The following LPAR1 variants were observed in gnomAD, a reference collection of about 807,000 sequenced individuals.
The protein encoded by LPAR1 is LPA receptor 1.
Under a neutral mutation model 23.8 loss-of-function variants are expected in LPAR1, and 5 were observed. That is an observed-to-expected ratio of 0.21 (90% CI 0.11 to 0.44). The LOEUF (loss-of-function observed/expected upper bound fraction) is 0.44. Ranked by LOEUF, LPAR1 falls within the 20% of genes least tolerant of loss-of-function variation. The pLI, the probability that LPAR1 is intolerant of heterozygous loss-of-function variation, is 0.99. For synonymous variants in LPAR1, 160 were observed against 164.7 expected (o/e 0.97, Z 0.22); for missense variants, 311 against 482.8 (o/e 0.64, Z 3.33).
chr9:111,024,414 T>C (rs2097641055), intron 2 of LPAR1, among the ~76,000 whole-genome samples: 1 of 147,746 alleles, frequency 6.8e-6, no homozygotes, highest in South Asian at 2.1e-4. Flanking sequence ...CATATTTATA[T>C]ATATATTTAT....
At chr9:110,922,942 A>G (rs1417984566) in intron 5 of LPAR1, among the ~76,000 whole-genome samples, 1 of 151,564 alleles carries the variant, frequency 6.6e-6, no homozygotes, top group East Asian at 1.9e-4. Context: ...TGCACCCATC[A>G]ACCCATCATC....
intron 5 of LPAR1, among the ~76,000 whole-genome samples, chr9:110,897,530 T>G (rs1005816815): frequency 1.3e-5 from 2 of 152,362 alleles, no homozygotes; most frequent in African/African-American, 4.8e-5. Flanking sequence ...AAAGTTCTTA[T>G]GCATCAGAAC....
At chr9:110,980,625 T>C (rs28702791) in intron 2 of LPAR1, among the ~76,000 whole-genome samples, 2,516 of 151,500 alleles carry the variant, frequency 0.017, 57 homozygotes, top group African/African-American at 0.057. Context: ...CCAGGAAGCC[T>C]AGGGGACAGG....
intron 5 of LPAR1, among the ~76,000 whole-genome samples, chr9:110,921,862 C>T (rs777091332): frequency 2.0e-5 from 3 of 152,168 alleles, no homozygotes; most frequent in Non-Finnish European, 4.4e-5. Flanking sequence ...TTATGATGGA[C>T]GTAATGCTCC....
chr9:111,034,251 C>G (rs746936211), intron 2 of LPAR1, among the ~76,000 whole-genome samples: 6 of 152,206 alleles, frequency 3.9e-5, no homozygotes, highest in Non-Finnish European at 8.8e-5. Context: ...CGGTTTCAAA[C>G]TAATAATAAT....
intron 2 of LPAR1, among the ~76,000 whole-genome samples, chr9:110,985,233 C>T (rs1400057549): frequency 6.6e-6 from 1 of 152,114 alleles, no homozygotes; most frequent in African/African-American, 2.4e-5. Context: ...CTACAGGCTG[C>T]TTTCCTCTCT....
At chr9:110,943,942 G>A (rs953747060) in intron 4 of LPAR1, among the ~76,000 whole-genome samples, 8 of 151,160 alleles carry the variant, frequency 5.3e-5, no homozygotes, top group African/African-American at 1.2e-4. Flanking sequence ...ATGAGTGCAC[G>A]TTAGATAAAA....
chr9:110,957,627 A>C (rs2095808351), intron 4 of LPAR1, among the ~76,000 whole-genome samples: 1 of 152,180 alleles, frequency 6.6e-6, no homozygotes, highest in Non-Finnish European at 1.5e-5. Flanking sequence ...CACAGCTAAC[A>C]TCATATTGAA....
intron 2 of LPAR1, among the ~76,000 whole-genome samples, chr9:111,024,094 A>G (rs530478063): frequency 6.6e-6 from 1 of 152,298 alleles, no homozygotes; most frequent in South Asian, 2.1e-4. Context: ...GGTAAGAAGC[A>G]TGTTCTTGGA....
At chr9:110,946,270 G>A (rs1445606804) in intron 4 of LPAR1, among the ~76,000 whole-genome samples, 1 of 152,036 alleles carries the variant, frequency 6.6e-6, no homozygotes, top group Non-Finnish European at 1.5e-5. Flanking sequence ...GAAGGAACCT[G>A]AAAAACACAG....
At chr9:110,996,070 G>T (rs1386889094) in intron 2 of LPAR1, among the ~76,000 whole-genome samples, 1 of 152,242 alleles carries the variant, frequency 6.6e-6, no homozygotes, top group East Asian at 1.9e-4. Context: ...CCTAAAAACA[G>T]CTGTGAGGCC....
intron 5 of LPAR1, among the ~76,000 whole-genome samples, chr9:110,918,473 C>A (rs117444343): frequency 6.6e-6 from 1 of 152,320 alleles, no homozygotes; most frequent in East Asian, 1.9e-4. Flanking sequence ...AACAGAGTAG[C>A]TGGCTTATGT....
Position 110,933,718 on chromosome 9 carries a change from C to A in LPAR1, c.793+7703G>T, listed in dbSNP as rs143516654. On this transcript the variant is annotated intron_variant, in intron 5 of 5. Transcript: ENST00000683809. ...ACGACAAGGAAAAGTAAATGACTTT[C>A]CAACATTCATATTTGGATGAACAAG... Among the ~76,000 whole-genome samples, 1,108 of 152,258 alleles carry A rather than the reference C, an allele frequency of 7.3e-3. 12 individuals carry two copies. Among genetic ancestry groups the A allele is most frequent in the African/African-American group, 0.025 (1,043 of 41,556 alleles).
intron 4 of LPAR1, among the ~76,000 whole-genome samples, chr9:110,961,377 T>C (rs1468720370): frequency 4.6e-5 from 7 of 151,448 alleles, no homozygotes; most frequent in Non-Finnish European, 1.0e-4. Context: ...TCCCAGCACT[T>C]TGGGAGGCCG....
chr9:110,896,276 A>G (rs921514272), intron 5 of LPAR1, among the ~76,000 whole-genome samples: 6 of 151,972 alleles, frequency 3.9e-5, no homozygotes, highest in African/African-American at 1.5e-4. Flanking sequence ...TTTGACAGTT[A>G]TTTTTCAGAC....
Position 110,874,401 on chromosome 9 carries a change from A to G in LPAR1, c.*1020T>C, listed in dbSNP as rs2078684701. On this transcript the variant is annotated 3_prime_UTR_variant, in exon 6 of 6. Coordinates refer to ENST00000683809, the MANE Select transcript of LPAR1 (RefSeq NM_001351411.2). ...GTTTACAGTATGACTCCAATTATGT[A>G]AAAAAAGTATACAATACACATATAG... is the stretch of plus-strand genomic sequence containing the variant. 2 of 152,624 alleles carry G rather than the reference A, an allele frequency of 1.3e-5. No individual in the cohort carries two copies. The highest frequency in any genetic ancestry group is 1.3e-4 in the Admixed American group (2 of 15,274). 9.5% of individuals were successfully genotyped at this position (152,624 alleles called of 1,614,324 possible). A position where few individuals can be genotyped will look rare whatever the true frequency, so the allele number is the denominator to read the frequency against.
rs553028350 is a variant in LPAR1 at position 111,010,286 on chromosome 9, G to A, written c.-182+25836C>T. ...GAGGAATAACAGGCAGAAATTATAG[G>A]AGAATGTTAACAGTGGCTGTTCCTG... On this transcript the variant is annotated intron_variant, in intron 2 of 5. Transcript: ENST00000683809. 8.9e-4 allele frequency among the ~76,000 whole-genome samples: 135 copies of A among 152,116 alleles called. 1 individual carries two copies. Among genetic ancestry groups the A allele is most frequent in the African/African-American group, 3.1e-3 (129 of 41,482 alleles).
intron 2 of LPAR1, among the ~76,000 whole-genome samples, chr9:110,984,999 G>C (rs2096751578): frequency 6.6e-6 from 1 of 152,016 alleles, no homozygotes; most frequent in South Asian, 2.1e-4. Context: ...GGGAAAACAG[G>C]ATGACAGAGA....
chr9:111,010,540 T>A (rs1246109974), intron 2 of LPAR1, among the ~76,000 whole-genome samples: 1 of 152,136 alleles, frequency 6.6e-6, no homozygotes, highest in East Asian at 1.9e-4. Context: ...CAACATTTAC[T>A]ACCGCCTTTC....
Sources: allele counts gnomAD v4.1 joint callset (sites outside exome capture counted in the v4.1 genomes callset), GRCh38; gene constraint gnomAD v4.1.1; transcripts MANE v1.5; gene names NCBI Gene and HGNC (gene_info 2026-07-23, HGNC 2026-07-21).